The following DST variants were observed in gnomAD, a reference collection of about 807,000 sequenced individuals.
DST encodes the protein bullous pemphigoid antigen.
In DST, 253 loss-of-function variants were observed where a neutral mutation model predicts 875.2. That is an observed-to-expected ratio of 0.29 (90% CI 0.26 to 0.32). The LOEUF is 0.32. Among genes scored for constraint, DST ranks in the 10% least tolerant of loss-of-function variants. The pLI is 1.00. For synonymous variants in DST, 3,124 were observed against 3,197.1 expected (o/e 0.98, Z 0.77); for missense variants, 8,287 against 9,111.6 (o/e 0.91, Z 3.68).
intron 30 of DST, 85 bp from the exon 31 acceptor site, chr6:56,630,468 T>C: frequency 8.7e-7 from 1 of 1,147,962 alleles, no homozygotes; most frequent in South Asian, 1.3e-5. Flanking sequence ...TTATGACACA[T>C]GACATAACAT....
chr6:56,671,798 G>A (rs2099102953), intron 9 of DST, among the ~76,000 whole-genome samples: 1 of 152,148 alleles, frequency 6.6e-6, no homozygotes, highest in South Asian at 2.1e-4. Flanking sequence ...GTCAGAGATG[G>A]GAAGCAAGGC....
chr6:56,727,776 T>A (rs533485778), intron 5 of DST, among the ~76,000 whole-genome samples: 1 of 152,380 alleles, frequency 6.6e-6, no homozygotes, highest in Admixed American at 6.5e-5. Flanking sequence ...TTTCTACTTC[T>A]CTGTCTCCAT....
rs1186003222 is a variant in DST, at chr6:56,555,776, C to A, written c.14705G>T (p.Gly4902Val). 1.3e-6 allele frequency: 2 copies of A among 1,575,066 alleles called. No individual in the cohort carries two copies. The highest frequency in any genetic ancestry group is 3.5e-5 in the Admixed American group (2 of 57,222). ...GTCTTCTCCAGGCCTGCTCAGAATG[C>A]CCTGACCAGCTGCTGTCAGCTGTTC... ...QYEQLTAAGQGILSRPGEDPS... is the reference protein window; with the variant it reads ...QYEQLTAAGQVILSRPGEDPS... The change falls in exon 60 of 104, where the codon GGC becomes GTC. Residue 4902 changes from glycine to valine, a missense_variant. By Grantham distance (109) the Gly-to-Val change is moderately radical (BLOSUM62 -3). This residue lies in a region of DST where 1,513 missense variants were observed against 1,677.8 expected (regional missense o/e 0.90). Coordinates refer to ENST00000680361, the MANE Select transcript of DST (RefSeq NM_001374736.1).
At chr6:56,723,449 A>C (rs2099429912) in intron 5 of DST, among the ~76,000 whole-genome samples, 1 of 152,122 alleles carries the variant, frequency 6.6e-6, no homozygotes, top group African/African-American at 2.4e-5. Context: ...TTGTAATCCC[A>C]GCTACTCGGG....
At chr6:56,769,778 C>T (rs1448718820) in intron 4 of DST, among the ~76,000 whole-genome samples, 1 of 152,162 alleles carries the variant, frequency 6.6e-6, no homozygotes, top group Admixed American at 6.5e-5. Context: ...GATCACGCCA[C>T]TGCACTCCAG....
intron 5 of DST, among the ~76,000 whole-genome samples, chr6:56,710,786 T>A (rs2099360096): frequency 6.6e-6 from 1 of 152,216 alleles, no homozygotes; most frequent in African/African-American, 2.4e-5. Context: ...AAAACTACAA[T>A]TCATATTCTA....
chr6:56,603,699 T>C lies in DST; in HGVS notation c.10806A>G (p.Leu3602=). 1 of 1,596,232 alleles carries C rather than the reference T, an allele frequency of 6.3e-7. No individual in the cohort carries two copies. Among genetic ancestry groups the C allele is most frequent in the African/African-American group, 1.4e-5 (1 of 73,552 alleles). Residue 3602 remains leucine (L), a synonymous_variant, in exon 41 of 104, where the codon TTA becomes TTG. Transcript: ENST00000680361. ...TTTCAGTGTGCTGTAAACACTGCTGTAATTCACTGGAAAACTAAAAACAAA... is the reference window on the plus strand; with the variant it reads ...TTTCAGTGTGCTGTAAACACTGCTGCAATTCACTGGAAAACTAAAAACAAA... ...DSSTEQFSSE[L]QQCLQHTEKM...
chr6:56,817,504 T>C (rs1406941140), intron 4 of DST, among the ~76,000 whole-genome samples: 1 of 152,222 alleles, frequency 6.6e-6, no homozygotes, highest in African/African-American at 2.4e-5. Context: ...TTGTTTGTTT[T>C]GTTTCAATAG....
At chr6:56,814,632 A>C (rs572946181) in intron 4 of DST, among the ~76,000 whole-genome samples, 11 of 152,336 alleles carry the variant, frequency 7.2e-5, no homozygotes, top group African/African-American at 2.6e-4. Flanking sequence ...CTGTGCTTTC[A>C]GAAAAGAAAA....
At position 56,463,738 on chromosome 6, in the gene DST, G is replaced by C; in HGVS notation, c.22786C>G (p.Arg7596Gly). The change falls in exon 101 of 104, where the codon CGT becomes GGT. Residue 7596 changes from arginine to glycine, a missense_variant. By Grantham distance (125) the Arg-to-Gly change is moderately radical. Transcript: ENST00000680361. ...IAKGRTNMEL[R>G]EKFILADGAS... is the part of the protein sequence containing the mutation. ...CCATCTGCTAAAATGAACTTCTCAC[G>C]CAGTTCCATGTTTGTCCTTCCTTTG... The C allele has an allele frequency of 6.2e-7, 1 of 1,613,956 alleles. No individual in the cohort carries two copies. Among genetic ancestry groups the C allele is most frequent in the South Asian group, 1.1e-5 (1 of 91,082 alleles).
intron 54 of DST, among the ~76,000 whole-genome samples, chr6:56,569,158 TA>T (rs34813098): frequency 6.6e-6 from 1 of 150,704 alleles, no homozygotes. Context: ...CTGTCTCTAC[TA>T]AAAAAAATAC....
chr6:56,616,957 A>G lies in DST; in HGVS notation c.4930-2473T>C. 3.7e-6 allele frequency: 6 copies of G among 1,604,262 alleles called. No individual in the cohort carries two copies. Among genetic ancestry groups the G allele is most frequent in the Non-Finnish European group, 5.1e-6 (6 of 1,174,484 alleles). On this transcript the variant is annotated intron_variant, in intron 36 of 103. Coordinates refer to ENST00000680361, the MANE Select transcript of DST (RefSeq NM_001374736.1). ...AACCTGTTGCAGCCTGAGCTTCTAA[A>G]AATGCCAAAGCCACCATTTTGTCTA...
In DST at chr6:56,746,829, T is replaced by C. The variant is rs78134616; in HGVS notation, c.626-11540A>G. 7.5e-3 allele frequency among the ~76,000 whole-genome samples: 1,138 copies of C among 152,226 alleles called. 13 individuals are homozygous for C. Among genetic ancestry groups the C allele is most frequent in the African/African-American group, 0.026 (1,092 of 41,522 alleles). On this transcript the variant is annotated intron_variant, in intron 4 of 103. Coordinates refer to ENST00000680361, the MANE Select transcript of DST (RefSeq NM_001374736.1). ...ATATTCCGGTGGACTCTATGGAAGATATAGAAAAAAATACTGAGACACATG... is the reference window on the plus strand; with the variant it reads ...ATATTCCGGTGGACTCTATGGAAGACATAGAAAAAAATACTGAGACACATG...
intron 9 of DST, among the ~76,000 whole-genome samples, chr6:56,682,407 C>T (rs1417893094): frequency 2.6e-5 from 4 of 151,920 alleles, no homozygotes; most frequent in Admixed American, 1.3e-4. Context: ...CTAAGCTCAG[C>T]CTAAAAAACA....
rs768383458 is a variant in DST at position 56,572,930 on chromosome 6, C to A, written c.13371G>T (p.Arg4457=). The change falls in exon 52 of 104, where the codon CGG becomes CGT. Residue 4457 remains arginine (R), a synonymous_variant. Transcript: ENST00000680361. The part of the protein sequence containing the change: ...LQAKMKDLSA[R]FSEASHKHKE... ...TGTGTTTATGACTTGCTTCTGAAAA[C>A]CGAGCAGACAAGTCTTTCATTTTGG... The A allele has an allele frequency of 3.0e-5, 48 of 1,613,108 alleles. 1 individual carries two copies. The South Asian group carries it at 4.0e-4, about 13-fold the overall frequency.
intron 4 of DST, among the ~76,000 whole-genome samples, chr6:56,829,563 T>A (rs1465457199): frequency 6.6e-6 from 1 of 152,154 alleles, no homozygotes; most frequent in African/African-American, 2.4e-5. Context: ...TAGTAGTTTC[T>A]ACAAAAAATT....
Position 56,900,563 on chromosome 6 carries a change from C to G in DST, c.275G>C (p.Arg92Pro), listed in dbSNP as rs774230622. The change falls in exon 3 of 104, where the codon CGT becomes CCT. Residue 92 changes from arginine to proline, a missense_variant. Arg to Pro is a moderately radical substitution (Grantham distance 103). Transcript: ENST00000680361. ...RRRVAAAAAA[R>P]LEEVKPVVEV... Reference sequence around the variant, plus strand: ...CACCACGGGCTTCACTTCTTCCAGACGGGCAGCTGCGGCCGCTGCAACTCG... The same window carrying G: ...CACCACGGGCTTCACTTCTTCCAGAGGGGCAGCTGCGGCCGCTGCAACTCG... 7.3e-7 allele frequency: 1 copy of G among 1,367,636 alleles called. No homozygotes were observed. The highest frequency in any genetic ancestry group is 9.8e-7 in the Non-Finnish European group (1 of 1,021,844). The allele number at this position is 1,367,636 out of a possible 1,614,324, so 84.7% of individuals were successfully genotyped here.
chr6:56,619,175 C>T (rs1306428359), intron 36 of DST: 1 of 1,613,992 alleles, frequency 6.2e-7, no homozygotes, highest in Non-Finnish European at 8.5e-7. Flanking sequence ...ATCTTTAAAA[C>T]CATCTGCCTG....
At chr6:56,899,857 C>T (rs1793224625) in intron 3 of DST, among the ~76,000 whole-genome samples, 1 of 152,104 alleles carries the variant, frequency 6.6e-6, no homozygotes, top group African/African-American at 2.4e-5. Context: ...GCCAACAGGG[C>T]ACCAGGTTAG....
Sources: gnomAD v4.1 joint callset for allele counts (sites outside exome capture counted in the v4.1 genomes callset) on GRCh38, gnomAD v4.1.1 for gene constraint, gnomAD v4.1.1 regional missense constraint, MANE v1.5 for transcripts, NCBI Gene and HGNC (gene_info 2026-07-23, HGNC 2026-07-21) for gene names.